Variants in SYNE2 observed in about 807,000 individuals in gnomAD.
The protein encoded by SYNE2 is spectrin repeat containing nuclear envelope protein 2.
Under a neutral mutation model 856.3 loss-of-function variants are expected in SYNE2, and 431 were observed. The observed-to-expected ratio is 0.50, with a 90% CI of 0.47 to 0.55. The LOEUF (loss-of-function observed/expected upper bound fraction) is 0.55. Among genes scored for constraint, SYNE2 ranks in the 20% least tolerant of loss-of-function variants. The pLI is 0.00. For synonymous variants in SYNE2, 2,923 were observed against 2,872.3 expected (o/e 1.02, Z -0.56); for missense variants, 8,129 against 8,023.2 (o/e 1.01, Z -0.50).
At chr14:64,112,553 A>G (rs1204558201) in intron 65 of SYNE2, among the ~76,000 whole-genome samples, 1 of 152,226 alleles carries the variant, frequency 6.6e-6, no homozygotes, top group African/African-American at 2.4e-5. Flanking sequence ...TTCATTTGGT[A>G]TCTGGGAGAA....
intron 48 of SYNE2, among the ~76,000 whole-genome samples, chr14:64,054,362 G>A (rs1386569657): frequency 6.6e-6 from 1 of 152,138 alleles, no homozygotes; most frequent in Non-Finnish European, 1.5e-5. Context: ...TTACAGTGTT[G>A]GAGACACTGT....
At position 63,803,012 on chromosome 14, in the gene SYNE2, C is replaced by T. The variant is rs1566575802; in HGVS notation, c.-305+41026C>T. ...AAACTTCCACAGTGTGGAAGGGCACCTGAGCAGGTTGCCAATAATGGCTCA... is the reference window on the plus strand; with the variant it reads ...AAACTTCCACAGTGTGGAAGGGCACTTGAGCAGGTTGCCAATAATGGCTCA... On this transcript the variant is annotated intron_variant, in intron 1 of 23. Coordinates refer to the SYNE2 transcript ENST00000674003. 3.3e-5 allele frequency among the ~76,000 whole-genome samples: 5 copies of T among 152,300 alleles called. No individual in the cohort carries two copies. The South Asian group carries it at 6.2e-4, about 19-fold the overall frequency.
rs183125999 is a variant in SYNE2 at position 63,927,339 on chromosome 14, G to A, written c.80-13275G>A. Among the ~76,000 whole-genome samples, 1,049 of 151,970 alleles carry A rather than the reference G, an allele frequency of 6.9e-3. 19 individuals carry two copies. The highest frequency in any genetic ancestry group is 0.024 in the African/African-American group (1,000 of 41,458). ...GAGGCAGGAGGATAACTTGAACCCA[G>A]GAGTTGGAGACTAGCCTGGGCAACA... On this transcript the variant is annotated intron_variant, in intron 2 of 115. Transcript: ENST00000555002.
intron 90 of SYNE2, among the ~76,000 whole-genome samples, chr14:64,166,595 G>A (rs2098380847): frequency 6.6e-6 from 1 of 152,156 alleles, no homozygotes; most frequent in African/African-American, 2.4e-5. Flanking sequence ...GTTTGTTGAA[G>A]GCCAGGTTAT....
intron 1 of SYNE2, among the ~76,000 whole-genome samples, chr14:63,873,049 G>C (rs79864379): frequency 0.019 from 2,943 of 152,056 alleles, 41 homozygotes; most frequent in Middle Eastern, 0.034. Context: ...TGTCTTTTTC[G>C]TTTTGATTTG....
Position 64,159,351 on chromosome 14 carries a change from G to A in SYNE2, c.16003G>A (p.Glu5335Lys), listed in dbSNP as rs1252060689. 6.2e-7 allele frequency: 1 copy of A among 1,614,010 alleles called. No homozygotes were observed. The highest frequency in any genetic ancestry group is 8.5e-7 in the Non-Finnish European group (1 of 1,179,920). ...DEAESSEGSW[E>K]KLQEVIGKLK... ...AGCTGAGAGCAGTGAAGGGAGTTGG[G>A]AGAAACTCCAGGAGGTTATCGGCAA... is the stretch of plus-strand genomic sequence containing the variant. Residue 5335 changes from glutamate to lysine, a missense_variant, in exon 87 of 116, where the codon GAG becomes AAG. Coordinates refer to ENST00000555002, the MANE Select transcript of SYNE2 (RefSeq NM_182914.3).
In SYNE2 at chr14:63,807,819, T is replaced by TTATATATATATATATATA. The variant is rs71120288; in HGVS notation, c.-304-44653_-304-44636dup. Among the ~76,000 whole-genome samples, 87 of 25,458 alleles carry TTATATATATATATATATA rather than the reference T, an allele frequency of 3.4e-3. 3 individuals are homozygous for TTATATATATATATATATA. The highest frequency in any genetic ancestry group is 5.0e-3 in the Non-Finnish European group (57 of 11,446). 16.7% of individuals were successfully genotyped at this position (25,458 alleles called of 152,430 possible). A position where few individuals can be genotyped will look rare whatever the true frequency, so the allele number is the denominator to read the frequency against. ...ACAGGCATGAACTACTACTCCAGGC[T>TTATATATATATATATATA]TATATATATATATATATATATATAT... On this transcript the variant is annotated intron_variant, in intron 1 of 23. Coordinates refer to the SYNE2 transcript ENST00000674003.
intron 82 of SYNE2, among the ~76,000 whole-genome samples, chr14:64,142,373 T>C (rs983435614): frequency 6.6e-6 from 1 of 152,098 alleles, no homozygotes; most frequent in African/African-American, 2.4e-5. Context: ...AACCACAGAC[T>C]CTGCCTGACA....
At chr14:64,165,556 A>G (rs1238850477) in intron 90 of SYNE2, 146 bp downstream of exon 90, 1 of 903,168 alleles carries the variant, frequency 1.1e-6, no homozygotes, top group East Asian at 2.7e-5. Context: ...TCTGTCACCC[A>G]GGCTGGAGTG....
intron 37 of SYNE2, among the ~76,000 whole-genome samples, chr14:64,022,432 G>T (rs781449482): frequency 6.6e-6 from 1 of 152,108 alleles, no homozygotes; most frequent in Non-Finnish European, 1.5e-5. Context: ...GCATAGAACT[G>T]TATCTAAATA....
At position 64,100,534 on chromosome 14, in the gene SYNE2, ATAT is replaced by A. The variant is rs1567298762; in HGVS notation, c.12382-1397_12382-1395del. On this transcript the variant is annotated intron_variant, in intron 63 of 115. Coordinates refer to ENST00000555002, the MANE Select transcript of SYNE2 (RefSeq NM_182914.3). ...TGTCTCAAAAAAAAAAAAAAAAAAT[ATAT>A]ATATATATATATATATATATATATA... Among the ~76,000 whole-genome samples the A allele has an allele frequency of 5.5e-3, 254 of 46,558 alleles. 2 individuals are homozygous for A. Among genetic ancestry groups the A allele is most frequent in the East Asian group, 0.031 (34 of 1,084 alleles). The allele number at this position is 46,558 out of a possible 152,430, so 30.5% of individuals were successfully genotyped here.
intron 11 of SYNE2, among the ~76,000 whole-genome samples, chr14:63,968,787 T>A (rs2096432893): frequency 6.6e-6 from 1 of 152,230 alleles, no homozygotes; most frequent in South Asian, 2.1e-4. Flanking sequence ...AATAAACACA[T>A]CTTGGAGAAT....
intron 52 of SYNE2, 87 bp from the exon 53 acceptor site, chr14:64,073,881 T>G: frequency 7.0e-7 from 1 of 1,435,696 alleles, no homozygotes; most frequent in Non-Finnish European, 9.8e-7. Flanking sequence ...ATTCAGGCAT[T>G]TCATTAATTG....
At chr14:63,860,506 C>G (rs112464380) in intron 1 of SYNE2, among the ~76,000 whole-genome samples, 22 of 152,334 alleles carry the variant, frequency 1.4e-4, no homozygotes, top group Non-Finnish European at 2.9e-4. Context: ...CAAAGTAACA[C>G]ATTTGACAAA....
At chr14:63,859,458 A>G (rs188037385) in intron 1 of SYNE2, among the ~76,000 whole-genome samples, 1 of 152,064 alleles carries the variant, frequency 6.6e-6, no homozygotes, top group Non-Finnish European at 1.5e-5. Context: ...TTTATTCCTC[A>G]GTACTACTTT....
At position 64,089,697 on chromosome 14, in the gene SYNE2, G is replaced by A. The variant is rs1187931508; in HGVS notation, c.11793+1G>A. On this transcript the variant is annotated splice_donor_variant, in intron 59 of 115. Transcript: ENST00000555002. LOFTEE classifies it high-confidence loss of function. ...TGAAGAACATCTCAAACATGGGGAG[G>A]TAAGCATAGATTATTATTTAAAGTA... is the stretch of plus-strand genomic sequence containing the variant. 6.4e-7 allele frequency: 1 copy of A among 1,560,986 alleles called. No individual in the cohort carries two copies. Among genetic ancestry groups the A allele is most frequent in the East Asian group, 2.3e-5 (1 of 44,344 alleles).
At chr14:64,031,454 A>G (rs2097033885) in intron 45 of SYNE2, 97 bp downstream of exon 45, 1 of 1,063,676 alleles carries the variant, frequency 9.4e-7, no homozygotes, top group African/African-American at 1.6e-5. Flanking sequence ...TTCTGATTTC[A>G]TAATTAAATC....
chr14:64,148,535 C>A (rs3951150), intron 84 of SYNE2, among the ~76,000 whole-genome samples: 11 of 151,924 alleles, frequency 7.2e-5, no homozygotes, highest in African/African-American at 2.7e-4. Context: ...CCCTCGCCCC[C>A]ACCATCCACA....
In SYNE2 at chr14:63,869,728, A is replaced by G. The variant is rs112236306; in HGVS notation, c.-52+16585A>G. ...TGAGACACAGTGGGTACACAATAAA[A>G]TGTTAGCTTCCTTCTTTCAGAACTG... On this transcript the variant is annotated intron_variant, in intron 1 of 115. Coordinates refer to ENST00000555002, the MANE Select transcript of SYNE2 (RefSeq NM_182914.3). Among the ~76,000 whole-genome samples the G allele has an allele frequency of 1.3e-3, 193 of 152,184 alleles. 2 individuals carry two copies. The highest frequency in any genetic ancestry group is 4.4e-3 in the African/African-American group (183 of 41,528).
Sources: allele counts gnomAD v4.1 joint callset (sites outside exome capture counted in the v4.1 genomes callset), GRCh38; gene constraint gnomAD v4.1.1; transcripts MANE v1.5; gene names NCBI Gene and HGNC (gene_info 2026-07-23, HGNC 2026-07-21).